NTRK3: variants seen among roughly 807,000 people sequenced by gnomAD.
The protein encoded by NTRK3 is neurotrophic receptor tyrosine kinase 3.
NTRK3 carries 24 observed loss-of-function variants against 91.7 expected under a neutral mutation model. That is an observed-to-expected ratio of 0.26 (90% CI 0.19 to 0.37). The LOEUF (loss-of-function observed/expected upper bound fraction) is 0.37, where lower values mean the gene tolerates loss of function less well. NTRK3 is among the 10% of genes least tolerant of loss of function. The pLI, the probability that NTRK3 is intolerant of heterozygous loss-of-function variation, is 1.00. For synonymous variants in NTRK3, 483 were observed against 404.0 expected (o/e 1.20, Z -2.34); for missense variants, 880 against 1,068.9 (o/e 0.82, Z 2.46).
At chr15:88,138,634 C>G (rs1184095288) in intron 6 of NTRK3, among the ~76,000 whole-genome samples, 2 of 152,192 alleles carry the variant, frequency 1.3e-5, no homozygotes, top group Non-Finnish European at 2.9e-5. Flanking sequence ...TACCCCAGGA[C>G]CTTTGCACTT....
chr15:87,961,493 T>C (rs1164489171), intron 14 of NTRK3, among the ~76,000 whole-genome samples: 5 of 152,234 alleles, frequency 3.3e-5, no homozygotes, highest in Non-Finnish European at 7.3e-5. Flanking sequence ...TGAACAAATA[T>C]TTTTTGAGCA....
intron 17 of NTRK3, among the ~76,000 whole-genome samples, chr15:87,926,430 A>G (rs2068317275): frequency 1.3e-5 from 2 of 152,184 alleles, no homozygotes; most frequent in South Asian, 4.2e-4. Context: ...CTTGGGACCA[A>G]AAACATACAT....
chr15:88,052,908 C>T (rs1412012118), intron 13 of NTRK3, among the ~76,000 whole-genome samples: 1 of 152,148 alleles, frequency 6.6e-6, no homozygotes, highest in Non-Finnish European at 1.5e-5. Context: ...TATCTATCAG[C>T]TGATCAGTAT....
At chr15:88,212,700 TCA>T (rs60620542) in intron 3 of NTRK3, among the ~76,000 whole-genome samples, 1,954 of 145,262 alleles carry the variant, frequency 0.013, 25 homozygotes, top group African/African-American at 0.034. Context: ...GGCTGCTGCA[TCA>T]CACACACACA....
At chr15:87,882,912 A>T (rs528215149) in intron 17 of NTRK3, among the ~76,000 whole-genome samples, 1 of 152,170 alleles carries the variant, frequency 6.6e-6, no homozygotes, top group South Asian at 2.1e-4. Flanking sequence ...ACACCACTAG[A>T]GACAATAAGT....
intron 3 of NTRK3, among the ~76,000 whole-genome samples, chr15:88,206,896 C>A (rs911687671): frequency 1.1e-4 from 17 of 152,120 alleles, no homozygotes; most frequent in African/African-American, 3.9e-4. Flanking sequence ...TGAGACTGTC[C>A]CCAGACACAC....
chr15:88,062,014 A>ATTTTTT (rs1398152450), intron 13 of NTRK3, among the ~76,000 whole-genome samples: 1 of 152,248 alleles, frequency 6.6e-6, no homozygotes, highest in Admixed American at 6.5e-5. Context: ...TAACAAAATA[A>ATTTTTT]AAAATCATAC....
intron 13 of NTRK3, among the ~76,000 whole-genome samples, chr15:88,119,490 G>A (rs772259625): frequency 2.0e-5 from 3 of 152,220 alleles, no homozygotes; most frequent in Admixed American, 2.0e-4. Flanking sequence ...AGAAAAGAGA[G>A]GGAGGGCATG....
chr15:88,204,426 T>C (rs2048569831), intron 3 of NTRK3, among the ~76,000 whole-genome samples: 2 of 152,206 alleles, frequency 1.3e-5, no homozygotes, highest in Admixed American at 6.5e-5. Flanking sequence ...TAACACATTA[T>C]AGAAATGTAG....
chr15:88,133,864 A>G (rs2041622115), intron 10 of NTRK3, among the ~76,000 whole-genome samples: 1 of 152,184 alleles, frequency 6.6e-6, no homozygotes, highest in Non-Finnish European at 1.5e-5. Context: ...AGACGGCTCC[A>G]TCATCCCTGG....
chr15:88,147,353 G>T (rs368222977), exon 6 of NTRK3: 1 of 1,613,546 alleles, frequency 6.2e-7, no homozygotes, highest in African/African-American at 1.3e-5. Flanking sequence ...AAGACTCAGC[G>T]TCTGGAAGAG....
Position 88,145,574 on chromosome 15 carries a change from G to A in NTRK3, c.464+1761C>T, listed in dbSNP as rs375120423. Among the ~76,000 whole-genome samples the A allele has an allele frequency of 1.2e-3, 182 of 152,178 alleles. 1 individual carries two copies. Among genetic ancestry groups the A allele is most frequent in the African/African-American group, 4.0e-3 (166 of 41,524 alleles). ...ACATTTTCTTTAAATATATATCCACGGAACAACTGTTTCTAAAACTCCACG... is the reference window on the plus strand; with the variant it reads ...ACATTTTCTTTAAATATATATCCACAGAACAACTGTTTCTAAAACTCCACG... On this transcript the variant is annotated intron_variant, in intron 6 of 18. Transcript: ENST00000394480.
intron 3 of NTRK3, among the ~76,000 whole-genome samples, chr15:88,231,221 C>G (rs1342131654): frequency 6.6e-6 from 1 of 152,086 alleles, no homozygotes; most frequent in African/African-American, 2.4e-5. Flanking sequence ...TTTATTCCAC[C>G]TTAACACCTC....
intron 5 of NTRK3, among the ~76,000 whole-genome samples, chr15:88,160,251 C>T (rs148567648): frequency 6.6e-6 from 1 of 152,120 alleles, no homozygotes; most frequent in East Asian, 1.9e-4. Context: ...GAGACGAGCA[C>T]GTAGCAACAG....
At chr15:88,009,259 G>A (rs1330546962) in intron 14 of NTRK3, among the ~76,000 whole-genome samples, 1 of 152,190 alleles carries the variant, frequency 6.6e-6, no homozygotes, top group Non-Finnish European at 1.5e-5. Flanking sequence ...AGAACACTTT[G>A]CATTTATTTC....
At position 88,050,580 on chromosome 15, in the gene NTRK3, T is replaced by G. The variant is rs371405959; in HGVS notation, c.1397-17535A>C. ...GTATACACACACTCACACACACAAA[T>G]AAATCAGATAGTATTTGTGGAAAAT... On this transcript the variant is annotated intron_variant, in intron 13 of 18. Transcript: ENST00000394480. Among the ~76,000 whole-genome samples the G allele has an allele frequency of 6.0e-4, 91 of 152,054 alleles. 1 individual carries two copies. Among genetic ancestry groups the G allele is most frequent in the African/African-American group, 1.8e-3 (76 of 41,482 alleles).
At chr15:88,097,558 A>C (rs996453977) in intron 13 of NTRK3, among the ~76,000 whole-genome samples, 2 of 152,234 alleles carry the variant, frequency 1.3e-5, no homozygotes, top group African/African-American at 4.8e-5. Flanking sequence ...CAGGAATCTA[A>C]GGTATAGGAT....
intron 5 of NTRK3, among the ~76,000 whole-genome samples, chr15:88,167,698 A>G (rs918031275): frequency 9.2e-5 from 14 of 152,170 alleles, no homozygotes; most frequent in Non-Finnish European, 1.8e-4. Context: ...ATCACATGGT[A>G]TTACTGACCA....
At chr15:88,064,422 A>G (rs543361434) in intron 13 of NTRK3, among the ~76,000 whole-genome samples, 4 of 152,298 alleles carry the variant, frequency 2.6e-5, no homozygotes, top group Admixed American at 1.3e-4. Context: ...CAAACTTCAC[A>G]TCGACAACCT....
Sources: allele counts gnomAD v4.1 joint callset (sites outside exome capture counted in the v4.1 genomes callset), GRCh38; gene constraint gnomAD v4.1.1; transcripts MANE v1.5; gene names NCBI Gene and HGNC (gene_info 2026-07-23, HGNC 2026-07-21).